TLK1: variants seen among roughly 807,000 people sequenced by gnomAD.
The protein encoded by TLK1 is serine/threonine-protein kinase tousled-like 1.
Under a neutral mutation model 105.3 loss-of-function variants are expected in TLK1, and 24 were observed. The ratio of observed to expected loss-of-function variants is 0.23; its 90% CI spans 0.17 to 0.32. TLK1 has a LOEUF of 0.32. Among genes scored for constraint, TLK1 ranks in the 10% least tolerant of loss-of-function variants. The pLI is 1.00. For missense variants in TLK1, 558 were observed against 910.5 expected (o/e 0.61, Z 4.98); for synonymous variants, 321 against 310.4 (o/e 1.03, Z -0.36).
At chr2:171,202,568 C>T (rs1052545321) in intron 1 of TLK1, among the ~76,000 whole-genome samples, 3 of 152,018 alleles carry the variant, frequency 2.0e-5, no homozygotes, top group Admixed American at 6.6e-5. Context: ...ACCAGCCTGG[C>T]CAATACAGCG....
chr2:171,066,726 G>A (rs1357703775), intron 3 of TLK1: 27 of 1,009,062 alleles, frequency 2.7e-5, no homozygotes, highest in African/African-American at 5.0e-5. Context: ...TATCACTTAC[G>A]TAGTCTATTT....
At position 171,098,522 on chromosome 2, in the gene TLK1, G is replaced by C. The variant is rs189751639; in HGVS notation, c.259-15670C>G. ...ACCCTCGAAGAAAAGCCCAGGCCTA[G>C]ATGGTTTCACTGGTAAATTCCACCA... On this transcript the variant is annotated intron_variant, in intron 2 of 20. Transcript: ENST00000431350. Among the ~76,000 whole-genome samples, 16 of 152,270 alleles carry C rather than the reference G, an allele frequency of 1.1e-4. No homozygotes were observed. In the East Asian group the frequency reaches 3.1e-3, roughly 29 times the overall value.
At chr2:171,087,593 C>T (rs1689040333) in intron 2 of TLK1, among the ~76,000 whole-genome samples, 1 of 152,072 alleles carries the variant, frequency 6.6e-6, no homozygotes, top group South Asian at 2.1e-4. Flanking sequence ...TTGGCAAAGA[C>T]ATTAATTTAC....
chr2:171,088,783 T>C (rs1689093677), intron 2 of TLK1, among the ~76,000 whole-genome samples: 1 of 152,034 alleles, frequency 6.6e-6, no homozygotes, highest in African/African-American at 2.4e-5. Flanking sequence ...AGGAGGAAAA[T>C]ATGCAAGGTC....
At chr2:171,140,325 A>G (rs1373707370) in intron 1 of TLK1, among the ~76,000 whole-genome samples, 1 of 152,228 alleles carries the variant, frequency 6.6e-6, no homozygotes, top group Non-Finnish European at 1.5e-5. Flanking sequence ...ACTAAGTTTA[A>G]AAAACGAAAA....
chr2:171,035,440 G>A (rs1686279549), intron 11 of TLK1, among the ~76,000 whole-genome samples: 1 of 152,062 alleles, frequency 6.6e-6, no homozygotes, highest in South Asian at 2.1e-4. Context: ...CAATGATTAT[G>A]AGGCCTCCCC....
intron 2 of TLK1, among the ~76,000 whole-genome samples, chr2:171,092,647 C>T (rs1323191774): frequency 1.3e-5 from 2 of 152,094 alleles, no homozygotes; most frequent in African/African-American, 4.8e-5. Flanking sequence ...CACCCTCCTA[C>T]CCCCATGGAC....
At chr2:171,178,086 C>G (rs1259535869) in intron 1 of TLK1, among the ~76,000 whole-genome samples, 1 of 152,260 alleles carries the variant, frequency 6.6e-6, no homozygotes, top group Non-Finnish European at 1.5e-5. Flanking sequence ...GCATGAGCCA[C>G]TGCACCTGGC....
At chr2:171,095,227 G>T (rs919474627) in intron 2 of TLK1, among the ~76,000 whole-genome samples, 5 of 150,172 alleles carry the variant, frequency 3.3e-5, no homozygotes, top group African/African-American at 9.8e-5. Context: ...CTAGAAAAAA[G>T]AAAACCAAAC....
intron 4 of TLK1, among the ~76,000 whole-genome samples, chr2:171,058,713 C>T (rs1687615330): frequency 6.6e-6 from 1 of 152,116 alleles, no homozygotes. Context: ...AGAGATCACG[C>T]TATTTTTTAA....
intron 4 of TLK1, among the ~76,000 whole-genome samples, chr2:171,058,823 G>A (rs572135755): frequency 3.3e-4 from 50 of 152,202 alleles, no homozygotes; most frequent in Non-Finnish European, 4.9e-4. Flanking sequence ...TGGGGGAGAA[G>A]TAACCATCCT....
intron 19 of TLK1, 75 bp from the exon 20 acceptor site, chr2:170,996,835 G>A (rs900686264): frequency 2.1e-5 from 27 of 1,293,744 alleles, no homozygotes; most frequent in Admixed American, 5.0e-5. Context: ...CTGTTTAAGC[G>A]AATTCCCAAA....
At chr2:171,007,503 G>A (rs927768814) in intron 14 of TLK1, among the ~76,000 whole-genome samples, 1 of 151,634 alleles carries the variant, frequency 6.6e-6, no homozygotes, top group East Asian at 1.9e-4. Flanking sequence ...AAATTAAAAA[G>A]TTCCTAACAG....
chr2:171,042,671 TATC>T (rs1248157263), intron 11 of TLK1, among the ~76,000 whole-genome samples: 5 of 148,852 alleles, frequency 3.4e-5, no homozygotes, highest in Non-Finnish European at 5.9e-5. Context: ...ATGCACAAAA[TATC>T]ATGGCACCTA....
intron 4 of TLK1, chr2:171,059,849 A>G (rs1687665448): frequency 6.1e-6 from 5 of 813,836 alleles, no homozygotes; most frequent in Non-Finnish European, 1.1e-5. Flanking sequence ...TCACACTCCT[A>G]TGAGAATCTA....
chr2:171,097,754 T>C (rs957278341), intron 2 of TLK1, among the ~76,000 whole-genome samples: 36 of 152,050 alleles, frequency 2.4e-4, no homozygotes, highest in Non-Finnish European at 1.0e-4. Flanking sequence ...TGAAATGACA[T>C]CTCTACTAAA....
At chr2:171,052,427 T>A (rs938974143) in intron 8 of TLK1, among the ~76,000 whole-genome samples, 5 of 152,182 alleles carry the variant, frequency 3.3e-5, no homozygotes, top group Admixed American at 1.3e-4. Context: ...AGAATGTTCT[T>A]AGAACTGTTT....
At chr2:171,058,349 T>C (rs1687597318) in intron 4 of TLK1, 152 bp from the exon 5 acceptor site, 6 of 672,940 alleles carry the variant, frequency 8.9e-6, no homozygotes, top group Admixed American at 2.8e-5. Flanking sequence ...GTTCCAGTTA[T>C]TGGAGAATCT....
intron 1 of TLK1, among the ~76,000 whole-genome samples, chr2:171,191,483 G>A (rs1347480749): frequency 1.3e-5 from 2 of 152,096 alleles, no homozygotes; most frequent in Non-Finnish European, 2.9e-5. Flanking sequence ...AGGGACTGGG[G>A]CAGTAGGATT....
Sources: allele counts gnomAD v4.1 joint callset (sites outside exome capture counted in the v4.1 genomes callset), GRCh38; gene constraint gnomAD v4.1.1; transcripts MANE v1.5; gene names NCBI Gene and HGNC (gene_info 2026-07-23, HGNC 2026-07-21).